Variants in DLG2 observed in about 807,000 individuals in gnomAD.
DLG2 encodes the protein disks large homolog 2.
DLG2 carries 45 observed loss-of-function variants against 132.5 expected under a neutral mutation model. The observed-to-expected ratio is 0.34, with a 90% CI of 0.27 to 0.44. The LOEUF (loss-of-function observed/expected upper bound fraction) is 0.44. Among genes scored for constraint, DLG2 ranks in the 20% least tolerant of loss-of-function variants. The probability of loss-of-function intolerance (pLI) is 1.00; values close to 1 mark genes in which losing one functional copy is unlikely to be tolerated. For missense variants in DLG2, 1,045 were observed against 1,196.9 expected (o/e 0.87, Z 1.87); for synonymous variants, 424 against 419.6 (o/e 1.01, Z -0.13).
At chr11:84,961,670 A>G (rs1372143113) in intron 6 of DLG2, among the ~76,000 whole-genome samples, 1 of 152,122 alleles carries the variant, frequency 6.6e-6, no homozygotes, top group Non-Finnish European at 1.5e-5. Context: ...TGCCAAAAAT[A>G]CTGTGAAATG....
chr11:84,042,308 T>G (rs996615570), intron 11 of DLG2, among the ~76,000 whole-genome samples: 3 of 151,876 alleles, frequency 2.0e-5, no homozygotes, highest in African/African-American at 7.2e-5. Context: ...AATTTTTATT[T>G]TAGTTATTAA....
chr11:83,623,593 C>G (rs1272355758), intron 19 of DLG2, among the ~76,000 whole-genome samples: 1 of 152,352 alleles, frequency 6.6e-6, no homozygotes, highest in East Asian at 1.9e-4. Flanking sequence ...CACAGGAAAA[C>G]AGAGGAGCAT....
At chr11:85,182,196 T>TC (rs2079758519) in intron 4 of DLG2, among the ~76,000 whole-genome samples, 2 of 151,878 alleles carry the variant, frequency 1.3e-5, no homozygotes, top group Non-Finnish European at 2.9e-5. Context: ...ACAAATATCT[T>TC]ACGAGGGAAC....
chr11:84,021,841 G>A (rs754477062), intron 11 of DLG2, among the ~76,000 whole-genome samples: 53 of 151,540 alleles, frequency 3.5e-4, no homozygotes, highest in Middle Eastern at 3.4e-3. Context: ...TCCGCCTACC[G>A]GGTTCAAGCG....
In DLG2 at chr11:83,650,936, T is replaced by A. The variant is rs532130846; in HGVS notation, c.1826-17611A>T. On this transcript the variant is annotated intron_variant, in intron 18 of 27. Coordinates refer to ENST00000376104, the MANE Select transcript of DLG2 (RefSeq NM_001142699.3). ...ATCTGCATGGCATACTCCTTCTCCT[T>A]CTTTAAAATTTGATAGTAAGTCTTT... Among the ~76,000 whole-genome samples, 3 of 152,324 alleles carry A rather than the reference T, an allele frequency of 2.0e-5. No individual in the cohort carries two copies. In the South Asian group the frequency reaches 6.2e-4, roughly 32 times the overall value.
At chr11:85,494,810 A>T (rs1272164696) in intron 3 of DLG2, among the ~76,000 whole-genome samples, 1 of 152,066 alleles carries the variant, frequency 6.6e-6, no homozygotes, top group African/African-American at 2.4e-5. Flanking sequence ...AACATAGAAG[A>T]TATAATTAAA....
intron 11 of DLG2, among the ~76,000 whole-genome samples, chr11:84,010,852 C>G (rs927592953): frequency 1.3e-5 from 2 of 151,980 alleles, no homozygotes; most frequent in Non-Finnish European, 2.9e-5. Context: ...AGTCTCGAGT[C>G]GATCAATTAA....
At chr11:84,909,362 G>A (rs547957963) in intron 6 of DLG2, among the ~76,000 whole-genome samples, 42 of 152,172 alleles carry the variant, frequency 2.8e-4, no homozygotes, top group African/African-American at 8.2e-4. Flanking sequence ...CTGCAGTTCT[G>A]GAAGACAGAA....
intron 6 of DLG2, among the ~76,000 whole-genome samples, chr11:84,583,247 A>G (rs551750399): frequency 1.3e-5 from 2 of 152,298 alleles, no homozygotes; most frequent in South Asian, 4.1e-4. Context: ...GCATATGAAT[A>G]TAAGCATTTT....
intron 3 of DLG2, among the ~76,000 whole-genome samples, chr11:85,574,145 A>T (rs1220060461): frequency 6.6e-6 from 1 of 152,178 alleles, no homozygotes; most frequent in African/African-American, 2.4e-5. Context: ...CTCAGTTGTG[A>T]ATATTATCAA....
intron 6 of DLG2, among the ~76,000 whole-genome samples, chr11:84,555,724 C>T (rs1206745326): frequency 6.6e-6 from 1 of 152,128 alleles, no homozygotes; most frequent in Non-Finnish European, 1.5e-5. Flanking sequence ...GGAAGAAGTT[C>T]GGGGGATCTG....
chr11:83,725,111 T>G, intron 18 of DLG2: 1 of 549,044 alleles, frequency 1.8e-6, no homozygotes, highest in South Asian at 2.6e-5. Flanking sequence ...GATGGGATTA[T>G]TTTCTCCGTT....
At position 84,548,531 on chromosome 11, in the gene DLG2, G is replaced by A. The variant is rs918544961; in HGVS notation, c.358-13800C>T. ...CCACCTATGAGTAAGAACATGCGGT[G>A]TTTGGTTTTTTGTCCTTGCGATAGT... On this transcript the variant is annotated intron_variant, in intron 6 of 27. Coordinates refer to ENST00000376104, the MANE Select transcript of DLG2 (RefSeq NM_001142699.3). Among the ~76,000 whole-genome samples the A allele has an allele frequency of 6.6e-5, 10 of 151,616 alleles. No individual in the cohort carries two copies. In the East Asian group the frequency reaches 1.6e-3, roughly 24 times the overall value.
intron 3 of DLG2, among the ~76,000 whole-genome samples, chr11:85,348,861 A>G (rs2083065734): frequency 6.6e-6 from 1 of 151,968 alleles, no homozygotes; most frequent in Admixed American, 6.6e-5. Context: ...CACACTCATT[A>G]TTTTTCATTT....
At chr11:85,591,406 C>T (rs1471942804) in intron 3 of DLG2, among the ~76,000 whole-genome samples, 2 of 152,236 alleles carry the variant, frequency 1.3e-5, no homozygotes, top group South Asian at 4.1e-4. Flanking sequence ...GAACGTACAT[C>T]AATGTGTATA....
At chr11:84,689,942 G>C (rs967334123) in intron 6 of DLG2, among the ~76,000 whole-genome samples, 1 of 151,924 alleles carries the variant, frequency 6.6e-6, no homozygotes, top group Non-Finnish European at 1.5e-5. Flanking sequence ...TGTGGATTAA[G>C]TGTATGTAAA....
chr11:83,758,561 G>C (rs1216609561), intron 18 of DLG2, among the ~76,000 whole-genome samples: 1 of 152,030 alleles, frequency 6.6e-6, no homozygotes, highest in Non-Finnish European at 1.5e-5. Context: ...CTTAATGGCT[G>C]GGTAATCTAG....
At chr11:84,358,376 T>C (rs975377671) in intron 7 of DLG2, among the ~76,000 whole-genome samples, 2 of 151,560 alleles carry the variant, frequency 1.3e-5, no homozygotes, top group Non-Finnish European at 2.9e-5. Context: ...TTTTTTTTTT[T>C]TTTTTTTTAG....
chr11:84,593,995 A>T (rs982061418), intron 6 of DLG2, among the ~76,000 whole-genome samples: 7 of 152,156 alleles, frequency 4.6e-5, no homozygotes, highest in African/African-American at 1.7e-4. Context: ...ACACCTATTA[A>T]TTTTCCCAAG....
Sources: gnomAD v4.1 joint callset for allele counts (sites outside exome capture counted in the v4.1 genomes callset) on GRCh38, gnomAD v4.1.1 for gene constraint, MANE v1.5 for transcripts, NCBI Gene and HGNC (gene_info 2026-07-23, HGNC 2026-07-21) for gene names.